The following MARCHF1 variants were observed in gnomAD, a reference collection of about 807,000 sequenced individuals.
MARCHF1 encodes the protein membrane associated ring-CH-type finger 1, also known as E3 ubiquitin-protein ligase MARCHF1.
A neutral mutation model predicts 54.2 loss-of-function variants in MARCHF1; 40 were observed. The ratio of observed to expected loss-of-function variants is 0.74; its 90% CI spans 0.57 to 0.96. MARCHF1 has a LOEUF of 0.96. MARCHF1 is among the 40% of genes least tolerant of loss of function. MARCHF1 has a pLI of 0.00. For missense variants in MARCHF1, 586 were observed against 656.5 expected (o/e 0.89, Z 1.17); for synonymous variants, 236 against 236.3 (o/e 1.00, Z 0.01).
At chr4:164,365,847 T>C (rs546772111) in intron 1 of MARCHF1, among the ~76,000 whole-genome samples, 175 of 152,148 alleles carry the variant, frequency 1.2e-3, no homozygotes, top group African/African-American at 4.1e-3. Flanking sequence ...AACATTATTT[T>C]GTATGAAAAT....
intron 5 of MARCHF1, among the ~76,000 whole-genome samples, chr4:163,675,081 C>A (rs1406389085): frequency 6.6e-6 from 1 of 152,080 alleles, no homozygotes; most frequent in South Asian, 2.1e-4. Context: ...AAAAGGAAAA[C>A]CCTTACCTAG....
intron 8 of MARCHF1, among the ~76,000 whole-genome samples, chr4:163,554,759 A>G (rs1739228939): frequency 6.6e-6 from 1 of 152,364 alleles, no homozygotes; most frequent in East Asian, 1.9e-4. Flanking sequence ...AAATAGTGTG[A>G]CCAGTAAATT....
intron 3 of MARCHF1, among the ~76,000 whole-genome samples, chr4:163,910,001 G>A (rs1293384979): frequency 4.6e-5 from 7 of 152,072 alleles, no homozygotes; most frequent in African/African-American, 1.4e-4. Flanking sequence ...GAGTACACTG[G>A]AAATAAAATT....
In MARCHF1 at chr4:163,628,602, C is replaced by A. The variant is rs535730369; in HGVS notation, c.163-15209G>T. On this transcript the variant is annotated intron_variant, in intron 5 of 9. Coordinates refer to ENST00000514618, the MANE Select transcript of MARCHF1 (RefSeq NM_001394959.1). ...GTATTCAAACAGGAAGAGAGGAAGT[C>A]AAATTGTCTTTGTTTGGAGATGATA... 2.8e-3 allele frequency among the ~76,000 whole-genome samples: 425 copies of A among 152,278 alleles called. 1 individual carries two copies. The highest frequency in any genetic ancestry group is 6.8e-3 in the Middle Eastern group (2 of 294).
At chr4:164,057,244 A>C (rs903569452) in intron 2 of MARCHF1, among the ~76,000 whole-genome samples, 1 of 152,182 alleles carries the variant, frequency 6.6e-6, no homozygotes, top group South Asian at 2.1e-4. Flanking sequence ...CAGTACCTTG[A>C]ATGAAGATTA....
intron 1 of MARCHF1, among the ~76,000 whole-genome samples, chr4:164,289,585 GAAAAAA>G (rs71600697): frequency 1.5e-5 from 2 of 131,128 alleles, no homozygotes; most frequent in Non-Finnish European, 3.2e-5. Context: ...TACTTAGATG[GAAAAAA>G]AAAAAAAAAA....
At chr4:164,023,232 A>T (rs929709091) in intron 2 of MARCHF1, among the ~76,000 whole-genome samples, 5 of 152,190 alleles carry the variant, frequency 3.3e-5, no homozygotes, top group African/African-American at 1.2e-4. Flanking sequence ...AGAGCCAAGC[A>T]ATCTGGAACA....
At chr4:163,534,594 A>T (rs1310187284) in intron 9 of MARCHF1, among the ~76,000 whole-genome samples, 1 of 152,106 alleles carries the variant, frequency 6.6e-6, no homozygotes, top group African/African-American at 2.4e-5. Context: ...ACTTAAGAGA[A>T]GATGCTAAAA....
chr4:163,574,107 T>A (rs1739951088), intron 8 of MARCHF1, among the ~76,000 whole-genome samples: 1 of 152,196 alleles, frequency 6.6e-6, no homozygotes, highest in Non-Finnish European at 1.5e-5. Flanking sequence ...TGCATAAATG[T>A]CTTCTTTTGA....
intron 1 of MARCHF1, among the ~76,000 whole-genome samples, chr4:164,226,294 A>G (rs1279112045): frequency 1.3e-5 from 2 of 152,100 alleles, no homozygotes; most frequent in African/African-American, 2.4e-5. Flanking sequence ...AGATATTCCA[A>G]GGGGTATCAC....
intron 1 of MARCHF1, among the ~76,000 whole-genome samples, chr4:164,374,686 T>G (rs1425907856): frequency 6.6e-6 from 1 of 152,154 alleles, no homozygotes; most frequent in Non-Finnish European, 1.5e-5. Flanking sequence ...TAATAATGCG[T>G]CAAATTGATT....
chr4:164,044,371 C>T (rs923545235), intron 2 of MARCHF1, among the ~76,000 whole-genome samples: 1 of 152,060 alleles, frequency 6.6e-6, no homozygotes. Flanking sequence ...ATATCATGTC[C>T]TCACGTGGTG....
At chr4:163,771,665 A>C (rs1747165324) in intron 4 of MARCHF1, among the ~76,000 whole-genome samples, 1 of 152,186 alleles carries the variant, frequency 6.6e-6, no homozygotes, top group Non-Finnish European at 1.5e-5. Flanking sequence ...ATAGGATTTC[A>C]GCACATGAAT....
intron 8 of MARCHF1, among the ~76,000 whole-genome samples, chr4:163,565,523 A>G (rs922045173): frequency 2.0e-5 from 3 of 152,220 alleles, no homozygotes; most frequent in Non-Finnish European, 2.9e-5. Context: ...TTAGGTTAAA[A>G]GAAAACGAAT....
intron 1 of MARCHF1, among the ~76,000 whole-genome samples, chr4:164,221,915 A>G (rs912219695): frequency 2.6e-5 from 4 of 151,998 alleles, no homozygotes; most frequent in African/African-American, 9.7e-5. Flanking sequence ...AGTTATAGTC[A>G]TTTCCTGAAC....
intron 4 of MARCHF1, among the ~76,000 whole-genome samples, chr4:163,723,301 A>G (rs1408644006): frequency 6.6e-6 from 1 of 152,162 alleles, no homozygotes; most frequent in Non-Finnish European, 1.5e-5. Context: ...TTGGCTGGAT[A>G]TGAAATTCTG....
chr4:164,383,106 G>T (rs1731424000), intron 1 of MARCHF1: 1 of 152,200 alleles, frequency 6.6e-6, no homozygotes, highest in South Asian at 2.1e-4. Context: ...TAAAACTTGG[G>T]CGTCTCTCTG....
rs1560922911 is a variant in MARCHF1, at chr4:163,527,925, A to AAAAT, written c.*819_*822dup. 2 of 152,458 alleles carry AAAAT rather than the reference A, an allele frequency of 1.3e-5. No individual in the cohort carries two copies. The highest frequency in any genetic ancestry group is 4.8e-5 in the African/African-American group (2 of 41,456). 9.4% of individuals were successfully genotyped at this position (152,458 alleles called of 1,614,324 possible). On this transcript the variant is annotated 3_prime_UTR_variant, in exon 10 of 10. Transcript: ENST00000514618. ...AAACAAACATTTATTTTTACTTTTTAAAATAGGGCTACTGGGAAGTTAAAT... is the reference window on the plus strand; with the variant it reads ...AAACAAACATTTATTTTTACTTTTTAAAATAAATAGGGCTACTGGGAAGTTAAAT...
chr4:164,008,012 A>G (rs1005680794), intron 2 of MARCHF1, among the ~76,000 whole-genome samples: 1 of 152,130 alleles, frequency 6.6e-6, no homozygotes, highest in East Asian at 1.9e-4. Flanking sequence ...AATAGTCTCA[A>G]TTCTCCAATT....
Sources: gnomAD v4.1 joint callset for allele counts (sites outside exome capture counted in the v4.1 genomes callset) on GRCh38, gnomAD v4.1.1 for gene constraint, MANE v1.5 for transcripts, NCBI Gene and HGNC (gene_info 2026-07-23, HGNC 2026-07-21) for gene names.